The following XPR1 variants were observed in gnomAD, a reference collection of about 807,000 sequenced individuals.
XPR1 encodes the protein xenotropic and polytropic retrovirus receptor 1, also known as solute carrier family 53 member 1.
XPR1 carries 28 observed loss-of-function variants against 87.5 expected under a neutral mutation model. The observed-to-expected ratio is 0.32, with a 90% CI of 0.24 to 0.44. The LOEUF (loss-of-function observed/expected upper bound fraction) is 0.44, where lower values mean the gene tolerates loss of function less well. Ranked by LOEUF, XPR1 falls within the 20% of genes least tolerant of loss-of-function variation. XPR1 has a pLI of 1.00. For synonymous variants in XPR1, 300 were observed against 306.1 expected (o/e 0.98, Z 0.21); for missense variants, 559 against 862.3 (o/e 0.65, Z 4.41).
chr1:180,808,619 C>G (rs1393647699), intron 6 of XPR1, among the ~76,000 whole-genome samples: 1 of 151,892 alleles, frequency 6.6e-6, no homozygotes, highest in Non-Finnish European at 1.5e-5. Context: ...AACAATCAAC[C>G]CAACTTTTAA....
intron 2 of XPR1, among the ~76,000 whole-genome samples, chr1:180,694,643 T>C: frequency 6.6e-6 from 1 of 152,134 alleles, no homozygotes; most frequent in Non-Finnish European, 1.5e-5. Flanking sequence ...TTTTTTTTGA[T>C]TGTGGAACTT....
chr1:180,688,317 G>T (rs1448647768), intron 2 of XPR1, among the ~76,000 whole-genome samples: 1 of 151,610 alleles, frequency 6.6e-6, no homozygotes, highest in African/African-American at 2.4e-5. Context: ...TCGAACTCCT[G>T]ACCTCAAGTG....
chr1:180,733,534 G>C (rs1034935492), intron 2 of XPR1, among the ~76,000 whole-genome samples: 1 of 152,168 alleles, frequency 6.6e-6, no homozygotes, highest in East Asian at 1.9e-4. Context: ...ACTGAGAAAG[G>C]GGATAAGAGA....
intron 2 of XPR1, among the ~76,000 whole-genome samples, chr1:180,697,308 G>A (rs912573249): frequency 1.1e-4 from 16 of 151,966 alleles, no homozygotes; most frequent in African/African-American, 3.4e-4. Context: ...TGTGGGATCA[G>A]TTATAGTGTC....
At chr1:180,822,811 A>G (rs1266438245) in intron 7 of XPR1, among the ~76,000 whole-genome samples, 2 of 152,224 alleles carry the variant, frequency 1.3e-5, no homozygotes, top group East Asian at 1.9e-4. Context: ...TGGCATCGCT[A>G]GGATTTGAAA....
chr1:180,637,539 A>G (rs993130104), intron 1 of XPR1, among the ~76,000 whole-genome samples: 2 of 152,140 alleles, frequency 1.3e-5, no homozygotes, highest in African/African-American at 4.8e-5. Context: ...AAAAATTTAA[A>G]AATTATTAAG....
At chr1:180,744,646 A>ATTTTTTTTTT (rs1295757177) in intron 2 of XPR1, among the ~76,000 whole-genome samples, 64 of 48,220 alleles carry the variant, frequency 1.3e-3, no homozygotes, top group African/African-American at 5.4e-3. Flanking sequence ...TTTAGGCACA[A>ATTTTTTTTTT]TTTCTTTCTT....
chr1:180,865,898 A>T (rs902150143), intron 12 of XPR1, among the ~76,000 whole-genome samples: 13 of 152,194 alleles, frequency 8.5e-5, no homozygotes, highest in Non-Finnish European at 1.5e-4. Flanking sequence ...GTTCTGCTGG[A>T]TCACCACATT....
intron 7 of XPR1, 138 bp downstream of exon 7, chr1:180,811,626 A>T (rs907680221): frequency 1.7e-5 from 11 of 648,782 alleles, no homozygotes; most frequent in African/African-American, 1.7e-4. Flanking sequence ...TTTTGTCCTT[A>T]TAAATGTGGT....
chr1:180,875,705 A>T (rs1010139523), intron 13 of XPR1, among the ~76,000 whole-genome samples: 1 of 152,102 alleles, frequency 6.6e-6, no homozygotes, highest in Admixed American at 6.5e-5. Flanking sequence ...GTAGAAGTAA[A>T]TATAAAGAAC....
intron 11 of XPR1, among the ~76,000 whole-genome samples, chr1:180,849,403 TG>T (rs923678370): frequency 4.6e-5 from 7 of 152,192 alleles, no homozygotes; most frequent in Non-Finnish European, 1.0e-4. Flanking sequence ...CCTCAAATTT[TG>T]GTGTGTATCT....
intron 12 of XPR1, among the ~76,000 whole-genome samples, chr1:180,864,493 A>C (rs1367845469): frequency 6.6e-6 from 1 of 152,172 alleles, no homozygotes; most frequent in African/African-American, 2.4e-5. Flanking sequence ...TAAATACTTG[A>C]CTAAATGAAA....
chr1:180,789,629 A>G (rs1175738605), intron 3 of XPR1, among the ~76,000 whole-genome samples: 6 of 151,512 alleles, frequency 4.0e-5, no homozygotes, highest in Non-Finnish European at 8.8e-5. Context: ...TATGTTGCCC[A>G]GGCAGGTCTT....
At chr1:180,754,700 A>G (rs1436374721) in intron 2 of XPR1, among the ~76,000 whole-genome samples, 1 of 152,070 alleles carries the variant, frequency 6.6e-6, no homozygotes, top group Non-Finnish European at 1.5e-5. Flanking sequence ...GGGCTCAAGC[A>G]ATCTGCCTGC....
chr1:180,835,634 G>A (rs192335050), intron 10 of XPR1, among the ~76,000 whole-genome samples: 1 of 152,262 alleles, frequency 6.6e-6, no homozygotes, highest in African/African-American at 2.4e-5. Context: ...CTTATTGATT[G>A]CCAGTGGATC....
intron 2 of XPR1, among the ~76,000 whole-genome samples, chr1:180,697,902 G>A (rs1050642639): frequency 6.6e-6 from 1 of 152,104 alleles, no homozygotes; most frequent in African/African-American, 2.4e-5. Flanking sequence ...ATATGCTGAT[G>A]AGAAGAATGT....
In XPR1 at chr1:180,824,784, A is replaced by G. The variant is rs1196681006; in HGVS notation, c.795A>G (p.Ile265Met). Residue 265 changes from isoleucine to methionine, a missense_variant, in exon 8 of 15, where the codon ATA (isoleucine) becomes ATG (methionine). By Grantham distance (10) the Ile-to-Met change is conservative (BLOSUM62 1). Coordinates refer to ENST00000367590, the MANE Select transcript of XPR1 (RefSeq NM_004736.4). ...AVFKLETDRS[I>M]WPLIRIYRGG... ...TTAAACTTGAAACAGATAGAAGTATATGGCCCTTGATAAGAATCTATCGGG... is the reference window on the plus strand; with the variant it reads ...TTAAACTTGAAACAGATAGAAGTATGTGGCCCTTGATAAGAATCTATCGGG... 2 of 1,613,822 alleles carry G rather than the reference A, an allele frequency of 1.2e-6. No individual in the cohort carries two copies. The highest frequency in any genetic ancestry group is 2.2e-5 in the East Asian group (1 of 44,874).
At chr1:180,634,956 A>G (rs992467881) in intron 1 of XPR1, among the ~76,000 whole-genome samples, 4 of 152,066 alleles carry the variant, frequency 2.6e-5, no homozygotes, top group Non-Finnish European at 5.9e-5. Context: ...CCATAAAGTA[A>G]GTATATAGGG....
chr1:180,720,697 G>T (rs576102424), intron 2 of XPR1, among the ~76,000 whole-genome samples: 1 of 152,242 alleles, frequency 6.6e-6, no homozygotes, highest in South Asian at 2.1e-4. Flanking sequence ...AACTTCTGGG[G>T]TGGGGCCTGG....
Sources: gnomAD v4.1 joint callset for allele counts (sites outside exome capture counted in the v4.1 genomes callset) on GRCh38, gnomAD v4.1.1 for gene constraint, MANE v1.5 for transcripts, NCBI Gene and HGNC (gene_info 2026-07-23, HGNC 2026-07-21) for gene names.